AMD1: variants seen among roughly 807,000 people sequenced by gnomAD.
AMD1 encodes the protein S-adenosylmethionine decarboxylase proenzyme.
A neutral mutation model predicts 40.2 loss-of-function variants in AMD1; 11 were observed. The ratio of observed to expected loss-of-function variants is 0.27; its 90% CI spans 0.17 to 0.45. The LOEUF is 0.45. AMD1 is among the 20% of genes least tolerant of loss of function. AMD1 has a pLI of 1.00. For missense variants in AMD1, 257 were observed against 410.2 expected (o/e 0.63, Z 3.23); for synonymous variants, 121 against 130.8 (o/e 0.93, Z 0.51).
the AMD1 span, among the ~76,000 whole-genome samples, chr6:110,832,774 C>T: frequency 6.6e-6 from 1 of 152,066 alleles, no homozygotes; most frequent in Non-Finnish European, 1.5e-5. Flanking sequence ...TTCAGTGATA[C>T]CTTGAGAAAC....
the AMD1 span, among the ~76,000 whole-genome samples, chr6:110,829,463 A>G: frequency 3.8e-4 from 58 of 151,466 alleles, no homozygotes; most frequent in African/African-American, 1.4e-3. Context: ...GCAGATCACG[A>G]GGTCAGGAGA....
chr6:110,828,058 A>T, the AMD1 span, among the ~76,000 whole-genome samples: 1 of 152,232 alleles, frequency 6.6e-6, no homozygotes, highest in Non-Finnish European at 1.5e-5. Flanking sequence ...TATCAAGCTG[A>T]TGTTAATTTC....
chr6:110,883,256 T>C (rs1353255304), intron 1 of AMD1, among the ~76,000 whole-genome samples: 1 of 152,254 alleles, frequency 6.6e-6, no homozygotes, highest in Non-Finnish European at 1.5e-5. Context: ...AAGTAAATTT[T>C]AGCAGGTGAA....
At chr6:110,868,142 TTTA>T in the AMD1 span, among the ~76,000 whole-genome samples, 4 of 151,050 alleles carry the variant, frequency 2.6e-5, no homozygotes, top group East Asian at 7.8e-4. Context: ...TCTTATTTAT[TTTA>T]TTATTATTAT....
chr6:110,892,900 T>C lies in AMD1; in HGVS notation c.709-10T>C. On this transcript the variant is annotated splice_polypyrimidine_tract_variant and intron_variant, in intron 7 of 8. Transcript: ENST00000368885. ...TTTCCATTCTTAACACTGTGAACTTTTTCTCTCAGGGAACTTATTGGACTA... is the reference window on the plus strand; with the variant it reads ...TTTCCATTCTTAACACTGTGAACTTCTTCTCTCAGGGAACTTATTGGACTA... The C allele has an allele frequency of 6.2e-7, 1 of 1,613,616 alleles. No individual in the cohort carries two copies. The highest frequency in any genetic ancestry group is 8.5e-7 in the Non-Finnish European group (1 of 1,179,816).
At chr6:110,815,245 G>C in the AMD1 span, 10 of 1,184,934 alleles carry the variant, frequency 8.4e-6, no homozygotes, top group Non-Finnish European at 1.1e-5. Context: ...CGCCTCTCGC[G>C]CGCGCGCGCG....
At chr6:110,835,164 G>A in the AMD1 span, among the ~76,000 whole-genome samples, 427 of 150,198 alleles carry the variant, frequency 2.8e-3, 2 homozygotes, top group Non-Finnish European at 4.9e-3. Context: ...GACTACAGGC[G>A]CCCGCCACCA....
intron 1 of AMD1, among the ~76,000 whole-genome samples, chr6:110,876,881 CT>C (rs1423735137): frequency 6.6e-6 from 1 of 152,088 alleles, no homozygotes; most frequent in African/African-American, 2.4e-5. Flanking sequence ...GTCACTTTGG[CT>C]TTTTAAATGT....
At chr6:110,872,119 A>G (rs1784928783), upstream of AMD1, among the ~76,000 whole-genome samples, 1 of 152,198 alleles carries the variant, frequency 6.6e-6, no homozygotes, top group South Asian at 2.1e-4. Context: ...TGGCTTTGGC[A>G]AAAAGTGGGC....
At chr6:110,837,970 G>A in the AMD1 span, among the ~76,000 whole-genome samples, 1 of 149,162 alleles carries the variant, frequency 6.7e-6, no homozygotes, top group Non-Finnish European at 1.5e-5. Context: ...GCTGAGGCAG[G>A]AGAATAACTT....
the AMD1 span, among the ~76,000 whole-genome samples, chr6:110,859,490 C>A: frequency 7.9e-5 from 12 of 152,276 alleles, no homozygotes; most frequent in East Asian, 2.1e-3. Flanking sequence ...TTGTCTCTTC[C>A]CCATTGTGTC....
At chr6:110,847,070 G>A in the AMD1 span, among the ~76,000 whole-genome samples, 4 of 144,004 alleles carry the variant, frequency 2.8e-5, no homozygotes, top group Non-Finnish European at 6.2e-5. Flanking sequence ...TGTGGTGTGT[G>A]TGTGTGTGTG....
chr6:110,864,144 A>G, the AMD1 span: 1 of 172,194 alleles, frequency 5.8e-6, no homozygotes, highest in Non-Finnish European at 1.2e-5. Flanking sequence ...TTTTTATTAG[A>G]GACGGGCCAG....
chr6:110,826,577 C>G, the AMD1 span, among the ~76,000 whole-genome samples: 1 of 152,108 alleles, frequency 6.6e-6, no homozygotes, highest in Non-Finnish European at 1.5e-5. Flanking sequence ...TCTGGTGTTG[C>G]CTGAAAGCCT....
chr6:110,879,714 T>C (rs1785302993), intron 1 of AMD1, among the ~76,000 whole-genome samples: 1 of 152,142 alleles, frequency 6.6e-6, no homozygotes, highest in Admixed American at 6.5e-5. Flanking sequence ...CCTAAAAATA[T>C]GAGGTAAGAG....
At chr6:110,865,384 T>C in the AMD1 span, among the ~76,000 whole-genome samples, 1 of 152,232 alleles carries the variant, frequency 6.6e-6, no homozygotes, top group Admixed American at 6.5e-5. Context: ...AATGTTAAAA[T>C]TGCAGATAGT....
At chr6:110,851,892 A>C in the AMD1 span, among the ~76,000 whole-genome samples, 9 of 152,326 alleles carry the variant, frequency 5.9e-5, no homozygotes, top group South Asian at 1.9e-3. Flanking sequence ...GATATCCTAG[A>C]CACAGAATAG....
chr6:110,850,390 G>A, the AMD1 span, among the ~76,000 whole-genome samples: 10 of 152,086 alleles, frequency 6.6e-5, no homozygotes, highest in East Asian at 5.8e-4. Flanking sequence ...CTCCCTTGCC[G>A]GTGAAAACAG....
In AMD1 at chr6:110,894,078, T is replaced by G. The variant is rs1285976848; in HGVS notation, c.*462T>G. ...ATTTTACATCCAGTTACCTCCACTT[T>G]CTAGAACATATTCTTTACTAATGTT... On this transcript the variant is annotated 3_prime_UTR_variant, in exon 9 of 9. Coordinates refer to ENST00000368885, the MANE Select transcript of AMD1 (RefSeq NM_001634.6). The G allele has an allele frequency of 6.5e-6, 1 of 154,056 alleles. No homozygotes were observed. Among genetic ancestry groups the G allele is most frequent in the Non-Finnish European group, 1.5e-5 (1 of 68,918 alleles). 9.5% of individuals were successfully genotyped at this position (154,056 alleles called of 1,614,324 possible).
Sources: gnomAD v4.1 joint callset for allele counts (sites outside exome capture counted in the v4.1 genomes callset) on GRCh38, gnomAD v4.1.1 for gene constraint, MANE v1.5 for transcripts, NCBI Gene and HGNC (gene_info 2026-07-23, HGNC 2026-07-21) for gene names.